HPS1: variants seen among roughly 807,000 people sequenced by gnomAD.
The protein encoded by HPS1 is HPS1 biogenesis of lysosomal organelles complex 3 subunit 1.
Under a neutral mutation model 90.6 loss-of-function variants are expected in HPS1, and 59 were observed. The observed-to-expected ratio is 0.65, with a 90% CI of 0.53 to 0.81. The LOEUF (loss-of-function observed/expected upper bound fraction) is 0.81, where lower values mean the gene tolerates loss of function less well. HPS1 is among the 30% of genes least tolerant of loss of function. The pLI is 0.00. For synonymous variants in HPS1, 388 were observed against 384.4 expected (o/e 1.01, Z -0.11); for missense variants, 849 against 896.7 (o/e 0.95, Z 0.68).
intron 6 of HPS1, among the ~76,000 whole-genome samples, chr10:98,432,845 G>A (rs1393872959): frequency 3.3e-5 from 5 of 152,128 alleles, no homozygotes; most frequent in East Asian, 3.8e-4. Flanking sequence ...GTGAGTTCAC[G>A]TTTGTTTGAT....
chr10:98,439,373 T>C (rs1937994198), intron 3 of HPS1, among the ~76,000 whole-genome samples: 1 of 152,188 alleles, frequency 6.6e-6, no homozygotes, highest in African/African-American at 2.4e-5. Flanking sequence ...GACTGTGCCC[T>C]GCAGAAGCAC....
chr10:98,437,541 C>T (rs1387020976), intron 3 of HPS1, among the ~76,000 whole-genome samples: 1 of 152,206 alleles, frequency 6.6e-6, no homozygotes, highest in African/African-American at 2.4e-5. Context: ...ACAAACATTT[C>T]CATTGTGTTA....
At position 98,425,979 on chromosome 10, in the gene HPS1, C is replaced by T. The variant is rs776427254; in HGVS notation, c.994G>A (p.Glu332Lys). 1 of 1,613,880 alleles carries T rather than the reference C, an allele frequency of 6.2e-7. No individual in the cohort carries two copies. The highest frequency in any genetic ancestry group is 8.5e-7 in the Non-Finnish European group (1 of 1,179,966). The change falls in exon 12 of 20, where the codon GAG (glutamate) becomes AAG (lysine). Residue 332 changes from glutamate to lysine, a missense_variant. By Grantham distance (56) the Glu-to-Lys change is moderately conservative. Coordinates refer to ENST00000361490, the MANE Select transcript of HPS1 (RefSeq NM_000195.5). Reference protein sequence around the residue: ...TPPMDALQIAEDTLQTLVPHC... With the variant: ...TPPMDALQIAKDTLQTLVPHC... ...GGAACCAGTGTTTGGAGGGTGTCCT[C>T]TGCTATCTACAGAGGAAGAAGAGCT... is the stretch of plus-strand genomic sequence containing the variant.
intron 6 of HPS1, 86 bp downstream of exon 6, chr10:98,433,897 T>C: frequency 6.6e-7 from 1 of 1,525,328 alleles, no homozygotes; most frequent in Non-Finnish European, 8.8e-7. Flanking sequence ...CCTTCATTCA[T>C]TAGGGTTAAA....
chr10:98,433,794 T>G, intron 6 of HPS1, 189 bp downstream of exon 6: 1 of 718,230 alleles, frequency 1.4e-6, no homozygotes, highest in Non-Finnish European at 2.3e-6. Flanking sequence ...TCGAGCTGTT[T>G]TACCATGGGA....
rs139061260 is a variant in HPS1, at chr10:98,418,227, C to T, written c.1888G>A (p.Val630Ile). ...GYKLQMIEVPVLSDDSVPIGM... is the reference protein window; with the variant it reads ...GYKLQMIEVPILSDDSVPIGM... Reference sequence around the variant, plus strand: ...ATAGGCACTGAGTCGTCGGAGAGGACGGGCACCTCGATCATCTGGAGTTTG... The same window carrying T: ...ATAGGCACTGAGTCGTCGGAGAGGATGGGCACCTCGATCATCTGGAGTTTG... The change falls in exon 19 of 20, where the codon GTC becomes ATC. Residue 630 changes from valine to isoleucine, a missense_variant. Coordinates refer to ENST00000361490, the MANE Select transcript of HPS1 (RefSeq NM_000195.5). 1.3e-3 allele frequency: 2,023 copies of T among 1,609,336 alleles called. 2 individuals are homozygous for T. Among genetic ancestry groups the T allele is most frequent in the Non-Finnish European group, 1.3e-3 (1,555 of 1,176,928 alleles).
At chr10:98,433,799 A>C in intron 6 of HPS1, 184 bp downstream of exon 6, 1 of 750,216 alleles carries the variant, frequency 1.3e-6, no homozygotes, top group East Asian at 2.9e-5. Context: ...CTGTTTTACC[A>C]TGGGAAAGCC....
intron 10 of HPS1, 91 bp downstream of exon 10, chr10:98,429,482 C>T (rs759671182): frequency 4.4e-6 from 7 of 1,605,140 alleles, no homozygotes; most frequent in Middle Eastern, 1.6e-4. Flanking sequence ...TTAGGAGGCA[C>T]GGGGGTCCAC....
chr10:98,415,022 C>T (rs778938199), downstream of HPS1: 7 of 1,613,594 alleles, frequency 4.3e-6, no homozygotes, highest in African/African-American at 8.0e-5. Flanking sequence ...CTCCTATCAC[C>T]ACCGCATCAT....
intron 7 of HPS1, 61 bp from the exon 8 acceptor site, chr10:98,430,731 G>A (rs1043106984): frequency 7.2e-6 from 10 of 1,388,744 alleles, no homozygotes; most frequent in Admixed American, 2.0e-5. Flanking sequence ...GGGGCAGGCA[G>A]GTTAAAGGAG....
chr10:98,425,509 C>G, intron 13 of HPS1, 32 bp downstream of exon 13: 1 of 1,591,590 alleles, frequency 6.3e-7, no homozygotes, highest in Non-Finnish European at 8.6e-7. Flanking sequence ...TGCCTCTTCC[C>G]CAGGTGGGGA....
At position 98,420,212 on chromosome 10, in the gene HPS1, A is replaced by G. The variant is rs1391506584; in HGVS notation, c.1744-54T>C. ...TCTCCCAGCCTTGGTCTGCCTGGGC[A>G]GCTCTCACCTCCGAAGGAAGGAAAG... On this transcript the variant is annotated intron_variant, in intron 17 of 19. Coordinates refer to ENST00000361490, the MANE Select transcript of HPS1 (RefSeq NM_000195.5). The G allele has an allele frequency of 3.9e-6, 5 of 1,292,386 alleles. No homozygotes were observed. The Admixed American group carries it at 8.4e-5, about 22-fold the overall frequency. The allele number at this position is 1,292,386 out of a possible 1,614,324, so 80.1% of individuals were successfully genotyped here. A position where few individuals can be genotyped will look rare whatever the true frequency, so the allele number is the denominator to read the frequency against.
chr10:98,426,029 T>C (rs1419117159), intron 11 of HPS1, 44 bp from the exon 12 acceptor site: 5 of 1,564,322 alleles, frequency 3.2e-6, no homozygotes, highest in Admixed American at 1.7e-5. Flanking sequence ...GATCCCTAAG[T>C]TGGACCCACC....
chr10:98,434,021 T>C lies in HPS1; in HGVS notation c.469A>G (p.Ser157Gly). 6.4e-7 allele frequency: 1 copy of C among 1,558,594 alleles called. No individual in the cohort carries two copies. Among genetic ancestry groups the C allele is most frequent in the Non-Finnish European group, 8.7e-7 (1 of 1,151,056 alleles). ...EHFQSLLWTY[S>G]RLREQEQCFA... ...CACTGCTCCTGCTCCCGCAGGCGGC[T>C]GTAGGTCCACAGCAGGCTCTGGAAG... Residue 157 changes from serine (S) to glycine (G), a missense_variant, in exon 6 of 20, where the codon AGC (serine) becomes GGC (glycine). Transcript: ENST00000361490.
At chr10:98,419,868 T>C (rs556031175) in intron 18 of HPS1, among the ~76,000 whole-genome samples, 177 bp downstream of exon 18, 2 of 152,202 alleles carry the variant, frequency 1.3e-5, no homozygotes, top group South Asian at 4.1e-4. Context: ...CACAAAGCAG[T>C]TAAACGCCCA....
downstream of HPS1, chr10:98,414,808 G>T: frequency 1.4e-6 from 1 of 690,290 alleles, no homozygotes; most frequent in Non-Finnish European, 2.3e-6. Flanking sequence ...ACACAGCAGA[G>T]CCAGCACCGG....
At chr10:98,446,532 CT>C (rs1390911346) in intron 1 of HPS1, among the ~76,000 whole-genome samples, 1 of 152,116 alleles carries the variant, frequency 6.6e-6, no homozygotes, top group Non-Finnish European at 1.5e-5. Context: ...GGCCCTGCCC[CT>C]GAGTCTCTGG....
chr10:98,432,090 G>T (rs1185418705), intron 6 of HPS1, among the ~76,000 whole-genome samples: 6 of 152,334 alleles, frequency 3.9e-5, no homozygotes, highest in East Asian at 1.9e-4. Flanking sequence ...GAAACTTAAA[G>T]AAGTTTCATG....
intron 3 of HPS1, among the ~76,000 whole-genome samples, chr10:98,438,027 G>T (rs745683971): frequency 6.1e-4 from 93 of 152,314 alleles, no homozygotes; most frequent in African/African-American, 2.2e-3. Context: ...GCTGCCTTGC[G>T]AAGAAGGTGC....
Sources: allele counts gnomAD v4.1 joint callset (sites outside exome capture counted in the v4.1 genomes callset), GRCh38; gene constraint gnomAD v4.1.1; transcripts MANE v1.5; gene names NCBI Gene and HGNC (gene_info 2026-07-23, HGNC 2026-07-21).